The following L3MBTL3 variants were observed in gnomAD, a reference collection of about 807,000 sequenced individuals.
L3MBTL3 encodes the protein lethal(3)malignant brain tumor-like protein 3.
Under a neutral mutation model 102.3 loss-of-function variants are expected in L3MBTL3, and 27 were observed. The ratio of observed to expected loss-of-function variants is 0.26; its 90% CI spans 0.19 to 0.36. L3MBTL3 has a LOEUF of 0.36. Among genes scored for constraint, L3MBTL3 ranks in the 10% least tolerant of loss-of-function variants. The pLI, the probability that L3MBTL3 is intolerant of heterozygous loss-of-function variation, is 1.00. For synonymous variants in L3MBTL3, 340 were observed against 320.9 expected, an observed-to-expected ratio of 1.06 and a Z score of -0.64; for missense variants, 798 against 955.3, an observed-to-expected ratio of 0.84 and a Z score of 2.17.
chr6:130,044,507 T>G (rs563459803), intron 3 of L3MBTL3, among the ~76,000 whole-genome samples: 13 of 152,346 alleles, frequency 8.5e-5, no homozygotes, highest in Admixed American at 1.3e-4. Flanking sequence ...CTTTAAGGTT[T>G]TCTAAGCAAT....
rs71570996 is a variant in L3MBTL3, at chr6:130,080,804, A to G, written c.1321+2170A>G. ...TTTATGTTATGTATATTTTGCCACTATTAAAAAATGCAAAAATGAACAAAC... is the reference window on the plus strand; with the variant it reads ...TTTATGTTATGTATATTTTGCCACTGTTAAAAAATGCAAAAATGAACAAAC... On this transcript the variant is annotated intron_variant, in intron 14 of 22. Coordinates refer to ENST00000361794, the MANE Select transcript of L3MBTL3 (RefSeq NM_032438.4). Among the ~76,000 whole-genome samples, 1,283 of 152,360 alleles carry G rather than the reference A, an allele frequency of 8.4e-3. 14 individuals are homozygous for G. Among genetic ancestry groups the G allele is most frequent in the Non-Finnish European group, 0.014 (953 of 68,034 alleles).
At chr6:130,136,900 G>T (rs1485893209) in intron 22 of L3MBTL3, among the ~76,000 whole-genome samples, 2 of 152,164 alleles carry the variant, frequency 1.3e-5, no homozygotes, top group African/African-American at 4.8e-5. Context: ...TTACACTCAT[G>T]AGCCGCTGCT....
chr6:130,117,958 G>A (rs750777801), intron 19 of L3MBTL3, among the ~76,000 whole-genome samples: 13 of 124,604 alleles, frequency 1.0e-4, no homozygotes, highest in Admixed American at 4.2e-4. Context: ...CAATCCTCCC[G>A]CCTCAGTCTC....
chr6:130,050,377 G>A (rs1246879411), intron 5 of L3MBTL3, among the ~76,000 whole-genome samples: 1 of 152,230 alleles, frequency 6.6e-6, no homozygotes, highest in African/African-American at 2.4e-5. Context: ...AACACATCAT[G>A]TGGTTTCATG....
intron 20 of L3MBTL3, 82 bp downstream of exon 20, chr6:130,121,040 C>A: frequency 1.2e-6 from 1 of 827,042 alleles, no homozygotes. Flanking sequence ...ATACAACAGT[C>A]TCTTTTATGT....
At chr6:130,044,617 C>A (rs758879955) in intron 3 of L3MBTL3, among the ~76,000 whole-genome samples, 24 of 152,112 alleles carry the variant, frequency 1.6e-4, no homozygotes, top group Middle Eastern at 3.2e-3. Flanking sequence ...GACTTTCAGA[C>A]CCATCTAATT....
At chr6:130,055,341 A>C in intron 8 of L3MBTL3, 86 bp downstream of exon 8, 1 of 910,966 alleles carries the variant, frequency 1.1e-6, no homozygotes, top group South Asian at 1.6e-5. Flanking sequence ...CATGCCACTT[A>C]AAGTATTACT....
intron 14 of L3MBTL3, among the ~76,000 whole-genome samples, chr6:130,081,584 A>ATT (rs11409755): frequency 0.24 from 34,532 of 145,004 alleles, 4,284 homozygotes; most frequent in African/African-American, 0.27. Context: ...ACACCTGGCT[A>ATT]TTTTTTTTTT....
chr6:130,108,231 G>GTTTTT (rs869221525), intron 19 of L3MBTL3, among the ~76,000 whole-genome samples: 11 of 91,052 alleles, frequency 1.2e-4, no homozygotes, highest in African/African-American at 1.5e-4. Context: ...TTTTTTTTTT[G>GTTTTT]TTTTTTTTTT....
chr6:130,098,038 G>C (rs542153932), intron 18 of L3MBTL3, among the ~76,000 whole-genome samples: 46 of 152,158 alleles, frequency 3.0e-4, no homozygotes, highest in African/African-American at 9.9e-4. Context: ...CTGCACTTCA[G>C]CCTGGGCAAC....
Position 130,139,844 on chromosome 6 carries a change from G to A in L3MBTL3, c.*91G>A, listed in dbSNP as rs1670613800. The A allele has an allele frequency of 1.6e-6, 2 of 1,224,404 alleles. No homozygotes were observed. The highest frequency in any genetic ancestry group is 2.1e-5 in the Admixed American group (1 of 48,408). The allele number at this position is 1,224,404 out of a possible 1,614,324, so 75.8% of individuals were successfully genotyped here. A position where few individuals can be genotyped will look rare whatever the true frequency, so the allele number is the denominator to read the frequency against. The stretch of plus-strand genomic sequence containing the variant: ...GACGGTTATAACTCCTAAGTGAGAA[G>A]TCTCCAAAACTCAAAAGAGCAACAC... On this transcript the variant is annotated 3_prime_UTR_variant, in exon 23 of 23. Transcript: ENST00000361794.
Position 130,140,498 on chromosome 6 carries a change from T to C in L3MBTL3, c.*745T>C, listed in dbSNP as rs1225929698. ...ATATAAACATAAATAAATTAGGTAG[T>C]GTATTTTGAGTGGCATCAGTCTCAC... On this transcript the variant is annotated 3_prime_UTR_variant, in exon 23 of 23. Coordinates refer to ENST00000361794, the MANE Select transcript of L3MBTL3 (RefSeq NM_032438.4). 1 of 152,340 alleles carries C rather than the reference T, an allele frequency of 6.6e-6. No homozygotes were observed. The highest frequency in any genetic ancestry group is 1.5e-5 in the Non-Finnish European group (1 of 68,012). 9.4% of individuals were successfully genotyped at this position (152,340 alleles called of 1,614,324 possible).
chr6:130,055,916 C>T (rs1584336642), intron 8 of L3MBTL3, among the ~76,000 whole-genome samples: 1 of 148,702 alleles, frequency 6.7e-6, no homozygotes, highest in Admixed American at 6.7e-5. Context: ...CTCCCCTTCC[C>T]TTCCCTCCCC....
chr6:130,069,664 C>A (rs921344513), intron 12 of L3MBTL3, among the ~76,000 whole-genome samples: 2 of 152,206 alleles, frequency 1.3e-5, no homozygotes, highest in Admixed American at 6.5e-5. Flanking sequence ...ACTTAGCAGC[C>A]TGCTGTCTCT....
chr6:130,052,789 T>C, intron 6 of L3MBTL3, 70 bp from the exon 7 acceptor site: 1 of 1,517,288 alleles, frequency 6.6e-7, no homozygotes, highest in Non-Finnish European at 8.8e-7. Flanking sequence ...ATTGTTGCAT[T>C]GATAATCAAC....
At chr6:130,036,920 AC>A (rs1282726397) in intron 2 of L3MBTL3, among the ~76,000 whole-genome samples, 3 of 152,158 alleles carry the variant, frequency 2.0e-5, no homozygotes, top group African/African-American at 7.2e-5. Flanking sequence ...AAGAAAGCTC[AC>A]TGTTGGAAAC....
At chr6:130,120,754 C>T (rs1786104261) in intron 19 of L3MBTL3, 125 bp from the exon 20 acceptor site, 3 of 713,184 alleles carry the variant, frequency 4.2e-6, no homozygotes, top group Non-Finnish European at 2.5e-6. Context: ...AACTATATAT[C>T]CTTTCTAACA....
intron 20 of L3MBTL3, 68 bp downstream of exon 20, chr6:130,121,026 T>G: frequency 1.0e-6 from 1 of 958,314 alleles, no homozygotes; most frequent in Non-Finnish European, 1.6e-6. Context: ...AAGCCTTAAC[T>G]GGAATACAAC....
chr6:130,023,056 TA>T (rs1779110833), intron 2 of L3MBTL3, among the ~76,000 whole-genome samples: 1 of 152,064 alleles, frequency 6.6e-6, no homozygotes, highest in Non-Finnish European at 1.5e-5. Flanking sequence ...CTACTGTTTA[TA>T]CCTTTTTTTT....
Sources: gnomAD v4.1 joint callset for allele counts (sites outside exome capture counted in the v4.1 genomes callset) on GRCh38, gnomAD v4.1.1 for gene constraint, MANE v1.5 for transcripts, NCBI Gene and HGNC (gene_info 2026-07-23, HGNC 2026-07-21) for gene names.